SCAF11: variants seen among roughly 807,000 people sequenced by gnomAD.
SCAF11 encodes protein SCAF11.
In SCAF11, 47 loss-of-function variants were observed where a neutral mutation model predicts 140.5. The ratio of observed to expected loss-of-function variants is 0.33; its 90% CI spans 0.26 to 0.43. SCAF11 has a LOEUF of 0.43. Among genes scored for constraint, SCAF11 ranks in the 20% least tolerant of loss-of-function variants. The pLI is 1.00. For missense variants in SCAF11, 1,645 were observed against 1,705.1 expected, an observed-to-expected ratio of 0.96 and a Z score of 0.62; for synonymous variants, 557 against 579.4, an observed-to-expected ratio of 0.96 and a Z score of 0.55.
intron 6 of SCAF11, among the ~76,000 whole-genome samples, chr12:45,938,913 C>T (rs1039314425): frequency 6.8e-6 from 1 of 147,912 alleles, no homozygotes; most frequent in African/African-American, 2.5e-5. Flanking sequence ...AAACTACTAT[C>T]CCAAACCAAA....
intron 8 of SCAF11, 106 bp from the exon 9 acceptor site, chr12:45,933,338 A>T: frequency 1.6e-6 from 1 of 622,010 alleles, no homozygotes; most frequent in East Asian, 2.7e-5. Flanking sequence ...TGGCATTATG[A>T]ATCACACTTA....
At chr12:45,964,300 C>T (rs547989588) in intron 1 of SCAF11, 112 bp from the exon 2 acceptor site, 14 of 594,716 alleles carry the variant, frequency 2.4e-5, no homozygotes, top group Non-Finnish European at 2.9e-5. Flanking sequence ...GAACACAGTA[C>T]GAGCCAAGCC....
chr12:45,979,082 G>A (rs941334157), intron 1 of SCAF11, among the ~76,000 whole-genome samples: 5 of 114,128 alleles, frequency 4.4e-5, no homozygotes, highest in Admixed American at 3.5e-4. Flanking sequence ...AGGTGGTGGG[G>A]CTTTTAGGAG....
intron 1 of SCAF11, among the ~76,000 whole-genome samples, chr12:45,989,895 G>A (rs1367018157): frequency 6.6e-6 from 1 of 152,180 alleles, no homozygotes; most frequent in Non-Finnish European, 1.5e-5. Context: ...CACCGCGGTC[G>A]GGAGCGCCCG....
In SCAF11 at chr12:45,924,610, T is replaced by A. The variant is rs549339028; in HGVS notation, c.3906+118A>T. 1.0e-4 allele frequency: 84 copies of A among 804,058 alleles called. 2 individuals carry two copies. Among genetic ancestry groups the A allele is most frequent in the South Asian group, 7.7e-4 (40 of 52,006 alleles). The allele number at this position is 804,058 out of a possible 1,614,324, so 49.8% of individuals were successfully genotyped here. A position where few individuals can be genotyped will look rare whatever the true frequency, so the allele number is the denominator to read the frequency against. ...AGGGATTATGAAGGTTTACCATAACTGAAATCAAATAAACAATTGTTTTTG... is the reference window on the plus strand; with the variant it reads ...AGGGATTATGAAGGTTTACCATAACAGAAATCAAATAAACAATTGTTTTTG... On this transcript the variant is annotated intron_variant, in intron 12 of 14. Coordinates refer to ENST00000369367, the MANE Select transcript of SCAF11 (RefSeq NM_004719.3).
At chr12:45,972,862 ATC>A (rs1946110444) in intron 1 of SCAF11, among the ~76,000 whole-genome samples, 2 of 120,438 alleles carry the variant, frequency 1.7e-5, no homozygotes, top group South Asian at 5.2e-4. Flanking sequence ...ATATATATAT[ATC>A]GATATATATA....
At position 45,968,762 on chromosome 12, in the gene SCAF11, G is replaced by A. The variant is rs551272053; in HGVS notation, c.-21-4574C>T. Among the ~76,000 whole-genome samples, 9 of 152,196 alleles carry A rather than the reference G, an allele frequency of 5.9e-5. No individual in the cohort carries two copies. In the South Asian group the frequency reaches 1.9e-3, roughly 32 times the overall value. ...TTGAGACTAGCCTGACCAACACGGT[G>A]AAACCCCGTCGCTACTAAAAATACA... On this transcript the variant is annotated intron_variant, in intron 1 of 14. Coordinates refer to ENST00000369367, the MANE Select transcript of SCAF11 (RefSeq NM_004719.3).
chr12:45,933,163 T>A lies in SCAF11; in HGVS notation c.702A>T (p.Ser234=), dbSNP rs1199581543. ...TTCCAGGTAATGTATCAGGAAACCA[T>A]GACAATTCCAGTTCATGTCTCTTCT... ...IRQKRHELEL[S]WFPDTLPGIG... is the part of the protein sequence containing the mutation. The change falls in exon 9 of 15, where the codon TCA becomes TCT. Residue 234 remains serine, a synonymous_variant. Coordinates refer to ENST00000369367, the MANE Select transcript of SCAF11 (RefSeq NM_004719.3). The A allele has an allele frequency of 3.1e-6, 5 of 1,611,388 alleles. No homozygotes were observed. The highest frequency in any genetic ancestry group is 1.3e-5 in the African/African-American group (1 of 74,908).
At chr12:45,990,649 G>A, upstream of SCAF11, 1 of 1,140,186 alleles carries the variant, frequency 8.8e-7, no homozygotes, top group Non-Finnish European at 1.1e-6. Context: ...CCCTTCCCTC[G>A]CTGTCGGCGC....
intron 6 of SCAF11, chr12:45,945,038 C>A: frequency 1.9e-6 from 1 of 526,514 alleles, no homozygotes. Context: ...CACACACACA[C>A]CCCTTTTAAG....
At chr12:45,923,793 G>T in intron 12 of SCAF11, among the ~76,000 whole-genome samples, 1 of 151,470 alleles carries the variant, frequency 6.6e-6, no homozygotes, top group East Asian at 1.9e-4. Context: ...AGTGATTCTT[G>T]AGCCTCAGCC....
upstream of SCAF11, chr12:45,990,590 T>C (rs911639979): frequency 8.1e-7 from 1 of 1,229,576 alleles, no homozygotes; most frequent in African/African-American, 1.6e-5. Flanking sequence ...TCCCCCGCCT[T>C]GTCTAGCCTC....
chr12:45,961,403 T>A (rs540949445), intron 3 of SCAF11: 1 of 675,886 alleles, frequency 1.5e-6, no homozygotes, highest in Admixed American at 2.5e-5. Flanking sequence ...CAGAGTCAAG[T>A]ACACTGAAAA....
intron 1 of SCAF11, among the ~76,000 whole-genome samples, chr12:45,979,808 A>G (rs1946310742): frequency 6.6e-6 from 1 of 152,158 alleles, no homozygotes; most frequent in Admixed American, 6.6e-5. Flanking sequence ...AATTTAAAGA[A>G]GCATTTCACA....
In SCAF11 at chr12:45,928,006, A is replaced by G. The variant is rs1219469833; in HGVS notation, c.1695T>C (p.Ser565=). ...TCTCAGATAAGTCACTTAGGGGACAAGATACAGGTTGGTACACTTTGCTTT... is the reference window on the plus strand; with the variant it reads ...TCTCAGATAAGTCACTTAGGGGACAGGATACAGGTTGGTACACTTTGCTTT... ...TSESKVYQPV[S]CPLSDLSENV... The change falls in exon 11 of 15, where the codon TCT becomes TCC. Residue 565 remains serine (S), a synonymous_variant. Coordinates refer to ENST00000369367, the MANE Select transcript of SCAF11 (RefSeq NM_004719.3). 18 of 1,613,056 alleles carry G rather than the reference A, an allele frequency of 1.1e-5. No individual in the cohort carries two copies. The East Asian group carries it at 3.8e-4, about 34-fold the overall frequency.
At chr12:45,987,028 T>C (rs1946474068) in intron 1 of SCAF11, among the ~76,000 whole-genome samples, 1 of 152,210 alleles carries the variant, frequency 6.6e-6, no homozygotes, top group Non-Finnish European at 1.5e-5. Flanking sequence ...AGACAAATGA[T>C]AGTTTCAAGG....
intron 6 of SCAF11, among the ~76,000 whole-genome samples, chr12:45,944,443 TC>T (rs1592186849): frequency 6.6e-6 from 1 of 152,220 alleles, no homozygotes; most frequent in Non-Finnish European, 1.5e-5. Context: ...AACTTGGTAT[TC>T]ATAGTGCATA....
At chr12:45,925,143 C>T (rs1592163055) in intron 11 of SCAF11, 69 bp from the exon 12 acceptor site, 2 of 1,212,694 alleles carry the variant, frequency 1.6e-6, no homozygotes, top group East Asian at 2.4e-5. Context: ...AAACAAAGAA[C>T]CACTGGTTAC....
chr12:45,987,503 T>C (rs577314403), intron 1 of SCAF11, among the ~76,000 whole-genome samples: 15 of 152,228 alleles, frequency 9.9e-5, no homozygotes, highest in South Asian at 2.1e-4. Context: ...GTGAAGAAAA[T>C]AAACAATAAA....
Sources: gnomAD v4.1 joint callset for allele counts (sites outside exome capture counted in the v4.1 genomes callset) on GRCh38, gnomAD v4.1.1 for gene constraint, MANE v1.5 for transcripts, NCBI Gene and HGNC (gene_info 2026-07-23, HGNC 2026-07-21) for gene names.